GXYLT2: variants seen among roughly 807,000 people sequenced by gnomAD.
GXYLT2 encodes glucoside xylosyltransferase 2.
Under a neutral mutation model 45.8 loss-of-function variants are expected in GXYLT2, and 53 were observed. The ratio of observed to expected loss-of-function variants is 1.16; its 90% confidence interval spans 0.93 to 1.46. The LOEUF is 1.46. Ranked by LOEUF, GXYLT2 falls within the 40% of genes most tolerant of loss-of-function variation. The pLI is 0.00. For missense variants in GXYLT2, 551 were observed against 544.4 expected (o/e 1.01, Z -0.12); for synonymous variants, 219 against 214.2 (o/e 1.02, Z -0.19).
chr3:72,975,170 T>G lies in GXYLT2; in HGVS notation c.*11T>G, dbSNP rs531179063. On this transcript the variant is annotated 3_prime_UTR_variant, in exon 7 of 7. Transcript: ENST00000389617. Reference sequence around the variant, plus strand: ...AACCAGATGCACTGAATATTTTGTCTTGTTGCAAGTCAATTAGGTGTCTTG... The same window carrying G: ...AACCAGATGCACTGAATATTTTGTCGTGTTGCAAGTCAATTAGGTGTCTTG... The G allele has an allele frequency of 3.1e-6, 5 of 1,603,682 alleles. No homozygotes were observed. The Admixed American group carries it at 6.8e-5, about 22-fold the overall frequency.
rs1421208868 is a variant in GXYLT2 at position 72,975,648 on chromosome 3, TTG to T, written c.*490_*491del. 2 of 152,614 alleles carry T rather than the reference TTG, an allele frequency of 1.3e-5. No homozygotes were observed. The highest frequency in any genetic ancestry group is 2.9e-5 in the Non-Finnish European group (2 of 68,338). The allele number at this position is 152,614 out of a possible 1,614,324, so 9.5% of individuals were successfully genotyped here. On this transcript the variant is annotated 3_prime_UTR_variant, in exon 7 of 7. Coordinates refer to ENST00000389617, the MANE Select transcript of GXYLT2 (RefSeq NM_001080393.2). ...CAAGATTAGATTAGCCATAATCCTA[TTG>T]ACCAGTGGAAAAGATTGTTTCCATT...
intron 2 of GXYLT2, among the ~76,000 whole-genome samples, chr3:72,915,356 C>CTTT (rs1297808276): frequency 5.7e-5 from 1 of 17,452 alleles, no homozygotes; most frequent in African/African-American, 2.0e-4. Context: ...TTTTTTTTTG[C>CTTT]GGGGGGGGGG....
At chr3:72,889,064 T>G (rs1042088582) in intron 1 of GXYLT2, among the ~76,000 whole-genome samples, 1 of 152,190 alleles carries the variant, frequency 6.6e-6, no homozygotes, top group Non-Finnish European at 1.5e-5. Context: ...AGTGGGGGTT[T>G]CCAGATCCTC....
chr3:72,945,296 AAAAAAT>A (rs945481305), intron 3 of GXYLT2, among the ~76,000 whole-genome samples: 92 of 48,542 alleles, frequency 1.9e-3, no homozygotes, highest in South Asian at 2.8e-3. Context: ...TCAAAAAATA[AAAAAAT>A]AAAAATAAAA....
At chr3:72,929,691 T>G (rs1018607142) in intron 3 of GXYLT2, 9 of 647,694 alleles carry the variant, frequency 1.4e-5, no homozygotes, top group Non-Finnish European at 1.9e-5. Context: ...TTTCTATAAG[T>G]TGCACCACAA....
intron 3 of GXYLT2, among the ~76,000 whole-genome samples, chr3:72,948,631 G>T (rs1478929148): frequency 2.0e-5 from 3 of 152,106 alleles, no homozygotes; most frequent in African/African-American, 7.2e-5. Flanking sequence ...GAGGTCATGA[G>T]ATCGAGACCA....
chr3:72,955,428 A>G (rs1710622076), intron 4 of GXYLT2, 79 bp downstream of exon 4: 1 of 1,464,808 alleles, frequency 6.8e-7, no homozygotes. Flanking sequence ...GAGTGTCAAT[A>G]TGCTGATTTT....
intron 3 of GXYLT2, among the ~76,000 whole-genome samples, chr3:72,945,837 C>T (rs1248811012): frequency 6.6e-6 from 1 of 152,170 alleles, no homozygotes; most frequent in Non-Finnish European, 1.5e-5. Flanking sequence ...GATTGGGAAG[C>T]ATTAATTTTC....
intron 5 of GXYLT2, among the ~76,000 whole-genome samples, chr3:72,965,366 C>T (rs901863280): frequency 6.6e-6 from 1 of 152,120 alleles, no homozygotes. Flanking sequence ...GACAGGAATG[C>T]CATCAACCCA....
intron 4 of GXYLT2, among the ~76,000 whole-genome samples, chr3:72,956,738 AAGTT>A (rs751643089): frequency 1.4e-3 from 219 of 151,952 alleles, no homozygotes; most frequent in Non-Finnish European, 2.8e-3. Context: ...AAAATACAAA[AAGTT>A]AGCCGGGCGT....
intron 2 of GXYLT2, among the ~76,000 whole-genome samples, chr3:72,911,991 GTGTATATATA>G (rs1157737393): frequency 5.3e-5 from 7 of 131,806 alleles, no homozygotes; most frequent in South Asian, 2.3e-4. Flanking sequence ...GTGTGTGTGT[GTGTATATATA>G]TATATATATA....
intron 4 of GXYLT2, 34 bp from the exon 5 acceptor site, chr3:72,957,194 TG>T (rs1223201468): frequency 6.3e-7 from 1 of 1,582,384 alleles, no homozygotes; most frequent in Non-Finnish European, 8.6e-7. Flanking sequence ...GTATTTGCTT[TG>T]CTTCAGCTGT....
intron 1 of GXYLT2, among the ~76,000 whole-genome samples, chr3:72,897,499 C>T (rs1277464493): frequency 6.6e-6 from 1 of 152,164 alleles, no homozygotes; most frequent in African/African-American, 2.4e-5. Flanking sequence ...CCGATGGCTA[C>T]AAGTGAAATG....
chr3:72,966,706 T>G (rs1575818009), intron 5 of GXYLT2, among the ~76,000 whole-genome samples: 1 of 151,858 alleles, frequency 6.6e-6, no homozygotes, highest in South Asian at 2.1e-4. Context: ...CTTGGATCAC[T>G]GCAACCTCTG....
rs1203284348 is a variant in GXYLT2 at position 72,888,465 on chromosome 3, C to G, written c.232C>G (p.Arg78Gly). The G allele has an allele frequency of 2.1e-5, 26 of 1,244,806 alleles. No homozygotes were observed. The highest frequency in any genetic ancestry group is 3.2e-4 in the Middle Eastern group (1 of 3,118). 77.1% of individuals were successfully genotyped at this position (1,244,806 alleles called of 1,614,324 possible). A position where few individuals can be genotyped will look rare whatever the true frequency, so the allele number is the denominator to read the frequency against. Residue 78 changes from arginine to glycine, a missense_variant, in exon 1 of 7, where the codon CGA becomes GGA. Physicochemically the swap from Arg to Gly is moderately radical, Grantham distance 125. Coordinates refer to ENST00000389617, the MANE Select transcript of GXYLT2 (RefSeq NM_001080393.2). ...GCGCCGGCCCCCGCGTCCGCGCCCC[C>G]GAGCGGGCCGCCGGGGCGCTGCGAG... ...RRRRPPRPRP[R>G]AGRRGAARLE...
chr3:72,970,052 C>G (rs1255843182), intron 6 of GXYLT2, among the ~76,000 whole-genome samples: 1 of 149,020 alleles, frequency 6.7e-6, no homozygotes, highest in Non-Finnish European at 1.5e-5. Context: ...GACCCCATCT[C>G]AAAAAAAAAT....
At chr3:72,931,327 A>AC (rs1275871303) in intron 3 of GXYLT2, among the ~76,000 whole-genome samples, 1 of 151,058 alleles carries the variant, frequency 6.6e-6, no homozygotes, top group African/African-American at 2.4e-5. Context: ...TCCCAGGTTC[A>AC]CCCCCCATTC....
intron 3 of GXYLT2, chr3:72,928,959 T>A: frequency 7.3e-6 from 6 of 823,930 alleles, no homozygotes; most frequent in Non-Finnish European, 1.0e-5. Flanking sequence ...CCGTCACCAC[T>A]TCACCGCGCC....
At chr3:72,933,619 G>A (rs1710118454) in intron 3 of GXYLT2, among the ~76,000 whole-genome samples, 1 of 152,160 alleles carries the variant, frequency 6.6e-6, no homozygotes, top group Non-Finnish European at 1.5e-5. Context: ...TGATTGAAAG[G>A]ATGTTGGGGC....
Sources: gnomAD v4.1 joint callset for allele counts (sites outside exome capture counted in the v4.1 genomes callset) on GRCh38, gnomAD v4.1.1 for gene constraint, MANE v1.5 for transcripts, NCBI Gene and HGNC (gene_info 2026-07-23, HGNC 2026-07-21) for gene names.